Variants in TMPRSS9 observed in about 807,000 individuals in gnomAD.
TMPRSS9 encodes the protein transmembrane protease serine 9.
A neutral mutation model predicts 111.4 loss-of-function variants in TMPRSS9; 113 were observed. That is an observed-to-expected ratio of 1.01 (90% CI 0.87 to 1.19). The LOEUF is 1.19. Among genes scored for constraint, TMPRSS9 ranks in the 50% most tolerant of loss-of-function variants. The probability of loss-of-function intolerance (pLI) is 0.00; values close to 1 mark genes in which losing one functional copy is unlikely to be tolerated. For synonymous variants in TMPRSS9, 805 were observed against 659.1 expected, an observed-to-expected ratio of 1.22 and a Z score of -3.39; for missense variants, 1,803 against 1,513.1, an observed-to-expected ratio of 1.19 and a Z score of -3.18.
intron 1 of TMPRSS9, among the ~76,000 whole-genome samples, chr19:2,381,360 G>GTGTGTGTGTGTT: frequency 6.6e-6 from 1 of 151,478 alleles, no homozygotes; most frequent in Non-Finnish European, 1.5e-5. Context: ...GTGTGTGTGT[G>GTGTGTGTGTGTT]TGCGTGTGTG....
chr19:2,365,807 T>TA (rs1970244321), intron 1 of TMPRSS9, among the ~76,000 whole-genome samples: 2 of 151,354 alleles, frequency 1.3e-5, no homozygotes, highest in Admixed American at 6.6e-5. Flanking sequence ...GTACAAAAAC[T>TA]AAAAAAATGA....
intron 1 of TMPRSS9, among the ~76,000 whole-genome samples, chr19:2,394,559 G>A (rs567366813): frequency 6.6e-6 from 1 of 150,914 alleles, no homozygotes; most frequent in East Asian, 2.0e-4. Context: ...GGGACACAGA[G>A]GCGGGGCAAT....
Position 2,415,772 on chromosome 19 carries a change from C to A in TMPRSS9, c.1676C>A (p.Ser559Tyr), listed in dbSNP as rs779796684. 37 of 1,610,112 alleles carry A rather than the reference C, an allele frequency of 2.3e-5. No homozygotes were observed. The highest frequency in any genetic ancestry group is 2.8e-5 in the Non-Finnish European group (33 of 1,178,304). ...TGGCAGGTCAGCCTGAAGGAAGGGT[C>A]CCGGCACTTCTGCGGAGCAACTGTG... is the stretch of plus-strand genomic sequence containing the variant. Residue 559 changes from serine to tyrosine, a missense_variant, in exon 11 of 18, where the codon TCC becomes TAC. By Grantham distance (144) the Ser-to-Tyr change is moderately radical (BLOSUM62 -2). Coordinates refer to ENST00000648592, the Ensembl canonical transcript of TMPRSS9.
chr19:2,379,948 T>C (rs75433706), intron 1 of TMPRSS9, among the ~76,000 whole-genome samples: 4,302 of 151,828 alleles, frequency 0.028, 87 homozygotes, highest in Non-Finnish European at 0.043. Flanking sequence ...GGGGTCTTAT[T>C]ATGTTGCCCA....
chr19:2,364,936 G>A (rs1222699372), intron 1 of TMPRSS9, among the ~76,000 whole-genome samples: 3 of 149,958 alleles, frequency 2.0e-5, no homozygotes, highest in East Asian at 2.0e-4. Flanking sequence ...CCAGGATCGC[G>A]CCACTGCACT....
intron 1 of TMPRSS9, among the ~76,000 whole-genome samples, chr19:2,362,218 T>G (rs1970206189): frequency 6.6e-6 from 1 of 151,830 alleles, no homozygotes; most frequent in South Asian, 2.1e-4. Flanking sequence ...AATTGTGTGG[T>G]CGGGTGGGAT....
intron 10 of TMPRSS9, among the ~76,000 whole-genome samples, chr19:2,415,107 G>A (rs1187137826): frequency 6.6e-6 from 1 of 151,664 alleles, no homozygotes; most frequent in Non-Finnish European, 1.5e-5. Context: ...ACCATGCTTG[G>A]CTAATTTTTG....
intron 4 of TMPRSS9, among the ~76,000 whole-genome samples, chr19:2,399,834 C>T (rs1218255257): frequency 6.6e-6 from 1 of 152,132 alleles, no homozygotes; most frequent in Admixed American, 6.6e-5. Context: ...TTTCCTGCCT[C>T]AGTAGCTCCC....
exon 18 of TMPRSS9, chr19:2,426,018 C>A (rs780370578): frequency 3.7e-6 from 6 of 1,607,812 alleles, no homozygotes; most frequent in Non-Finnish European, 3.4e-6. Flanking sequence ...TGTGGCCGGC[C>A]CCACTTCCCA....
intron 1 of TMPRSS9, among the ~76,000 whole-genome samples, chr19:2,361,237 AGGTGG>A (rs1970194388): frequency 3.3e-5 from 1 of 29,936 alleles, no homozygotes; most frequent in Non-Finnish European, 5.6e-5. Context: ...CTGGGGTGGG[AGGTGG>A]GGCTGGGGTA....
At chr19:2,418,305 C>T (rs757594123) in intron 13 of TMPRSS9, among the ~76,000 whole-genome samples, 167 bp downstream of exon 14, 874 of 64,994 alleles carry the variant, frequency 0.013, 43 homozygotes, top group African/African-American at 0.028. Context: ...CCTTCCCTCC[C>T]TTTCCCTCCC....
chr19:2,396,663 A>G (rs374125823), exon 2 of TMPRSS9: 4 of 1,608,334 alleles, frequency 2.5e-6, no homozygotes, highest in Non-Finnish European at 3.4e-6. Flanking sequence ...CCCTGGAGGC[A>G]CTGGTGAGGG....
At chr19:2,364,496 C>CCTTG (rs924331185) in intron 1 of TMPRSS9, among the ~76,000 whole-genome samples, 1 of 152,074 alleles carries the variant, frequency 6.6e-6, no homozygotes, top group Admixed American at 6.6e-5. Flanking sequence ...AATCCTCCCA[C>CCTTG]CTTGGCCTCC....
intron 1 of TMPRSS9, among the ~76,000 whole-genome samples, chr19:2,395,645 G>T (rs1185912997): frequency 6.6e-6 from 1 of 152,032 alleles, no homozygotes; most frequent in Non-Finnish European, 1.5e-5. Flanking sequence ...AACCCGGGAG[G>T]CGGAGGTTAC....
chr19:2,387,942 G>A (rs935877097), upstream of TMPRSS9, among the ~76,000 whole-genome samples: 2 of 152,176 alleles, frequency 1.3e-5, no homozygotes, highest in South Asian at 2.1e-4. Context: ...CCCTCCAGAC[G>A]GGATGCTGGT....
chr19:2,410,404 C>A lies in TMPRSS9; in HGVS notation c.1254+10C>A, dbSNP rs777126963. The A allele has an allele frequency of 3.7e-6, 6 of 1,613,354 alleles. No individual in the cohort carries two copies. The highest frequency in any genetic ancestry group is 3.3e-5 in the Admixed American group (2 of 59,962). On this transcript the variant is annotated intron_variant, in intron 9 of 17. Transcript: ENST00000648592. ...GGTGGACTCCTGCCAGGTGAGCCCCCGATGCCCCAGACCCCAGAAAAACAC... is the reference window on the plus strand; with the variant it reads ...GGTGGACTCCTGCCAGGTGAGCCCCAGATGCCCCAGACCCCAGAAAAACAC...
Position 2,425,970 on chromosome 19 carries a change from G to A in TMPRSS9, c.3164G>A (p.Arg1055Gln), listed in dbSNP as rs141671587. The change falls in exon 18 of 18, where the codon CGG becomes CAG. Residue 1055 changes from arginine to glutamine, a missense_variant. Arg to Gln is a conservative substitution (Grantham distance 43, BLOSUM62 1). Transcript: ENST00000648592. ...CTGGCCTGCAGGGAGCCCTCTGGAC[G>A]GTGGGTGCTAACTGGGGTCACTAGC... 42 of 1,607,160 alleles carry A rather than the reference G, an allele frequency of 2.6e-5. 1 individual carries two copies. The highest frequency in any genetic ancestry group is 1.7e-4 in the Middle Eastern group (1 of 5,906).
exon 12 of TMPRSS9, chr19:2,416,604 G>C (rs749810186): frequency 6.2e-7 from 1 of 1,612,406 alleles, no homozygotes; most frequent in African/African-American, 1.3e-5. Flanking sequence ...GCGGGAGCCC[G>C]GTGAAGATCG....
At chr19:2,413,059 G>T (rs2145366856) in intron 9 of TMPRSS9, among the ~76,000 whole-genome samples, 1 of 152,200 alleles carries the variant, frequency 6.6e-6, no homozygotes, top group African/African-American at 2.4e-5. Context: ...GCCGGGCGTG[G>T]TGATGCGTGC....
Sources: gnomAD v4.1 joint callset for allele counts (sites outside exome capture counted in the v4.1 genomes callset) on GRCh38, gnomAD v4.1.1 for gene constraint, MANE v1.5 for transcripts, NCBI Gene and HGNC (gene_info 2026-07-23, HGNC 2026-07-21) for gene names.